CCNA1: variants seen among roughly 807,000 people sequenced by gnomAD.
CCNA1 encodes cyclin-A1.
CCNA1 carries 23 observed loss-of-function variants against 54.1 expected under a neutral mutation model. The ratio of observed to expected loss-of-function variants is 0.42; its 90% confidence interval spans 0.31 to 0.60. CCNA1 has a LOEUF of 0.60. Ranked by LOEUF, CCNA1 falls within the 20% of genes least tolerant of loss-of-function variation. The pLI is 0.14. For synonymous variants in CCNA1, 208 were observed against 213.9 expected, an observed-to-expected ratio of 0.97 and a Z score of 0.24; for missense variants, 450 against 556.7, an observed-to-expected ratio of 0.81 and a Z score of 1.93.
Position 36,433,162 on chromosome 13 carries a change from C to A in CCNA1, c.238C>A (p.Gln80Lys). The A allele has an allele frequency of 6.2e-7, 1 of 1,614,208 alleles. No homozygotes were observed. The highest frequency in any genetic ancestry group is 8.5e-7 in the Non-Finnish European group (1 of 1,180,034). Residue 80 changes from glutamine (Q) to lysine (K), a missense_variant, in exon 2 of 9, where the codon CAG becomes AAG. By Grantham distance (53) the Gln-to-Lys change is moderately conservative. Transcript: ENST00000255465. ...AGCCCCGCTGGGCCAGGATCCCCCG[C>A]AGAGGACAGTGCTAGGGCTGCTAAC...
At chr13:36,433,887 A>T (rs1185266207) in intron 2 of CCNA1, among the ~76,000 whole-genome samples, 1 of 152,182 alleles carries the variant, frequency 6.6e-6, no homozygotes, top group Non-Finnish European at 1.5e-5. Context: ...TTCAGCTAGA[A>T]ATAGTGATTA....
Position 36,439,728 on chromosome 13 carries a change from A to C in CCNA1, c.894-251A>C, listed in dbSNP as rs527250212. ...AGTGTATCACAGGCCCAAACCTAAA[A>C]TTCTTGGTTGGAAATTGTTTCTGTT... On this transcript the variant is annotated intron_variant, in intron 5 of 8. Coordinates refer to ENST00000255465, the MANE Select transcript of CCNA1 (RefSeq NM_003914.4). Among the ~76,000 whole-genome samples, 9 of 152,258 alleles carry C rather than the reference A, an allele frequency of 5.9e-5. No individual in the cohort carries two copies. In the South Asian group the frequency reaches 1.5e-3, roughly 25 times the overall value.
chr13:36,432,740 T>A lies in CCNA1; in HGVS notation c.108+11T>A, dbSNP rs370479829. The A allele has an allele frequency of 2.4e-5, 37 of 1,538,894 alleles. No homozygotes were observed. The highest frequency in any genetic ancestry group is 2.4e-4 in the Admixed American group (14 of 59,412). ...GATTTCGTCTTCCAGGTAACGTGGG[T>A]TTAGTATCCCGACTTGGAGGCTTGT... On this transcript the variant is annotated intron_variant, in intron 1 of 8. Transcript: ENST00000255465.
intron 2 of CCNA1, among the ~76,000 whole-genome samples, chr13:36,436,699 C>T (rs1007816642): frequency 3.3e-5 from 5 of 152,162 alleles, no homozygotes; most frequent in African/African-American, 1.2e-4. Context: ...CCCCCAATTA[C>T]TACCATAAGT....
chr13:36,442,548 T>G (rs2055887808), intron 8 of CCNA1, 66 bp from the exon 9 acceptor site: 1 of 1,532,820 alleles, frequency 6.5e-7, no homozygotes, highest in African/African-American at 1.4e-5. Flanking sequence ...AAGTTTTCTG[T>G]GACCTGAGAT....
intron 8 of CCNA1, 39 bp downstream of exon 8, chr13:36,442,343 A>G (rs774793182): frequency 6.3e-7 from 1 of 1,599,282 alleles, no homozygotes. Context: ...CTCTCTATTT[A>G]AAGCTTAATG....
At chr13:36,437,538 C>G in intron 2 of CCNA1, 91 bp from the exon 3 acceptor site, 2 of 1,245,318 alleles carry the variant, frequency 1.6e-6, no homozygotes, top group South Asian at 2.9e-5. Flanking sequence ...TGTATCTTAC[C>G]TTCCCAGGCT....
intron 7 of CCNA1, among the ~76,000 whole-genome samples, 172 bp downstream of exon 7, chr13:36,441,403 A>G (rs1174573446): frequency 6.6e-6 from 1 of 152,122 alleles, no homozygotes; most frequent in African/African-American, 2.4e-5. Context: ...GCTTCACTCT[A>G]TGAGGACTGA....
chr13:36,437,589 T>C, intron 2 of CCNA1, 40 bp from the exon 3 acceptor site: 1 of 1,601,968 alleles, frequency 6.2e-7, no homozygotes, highest in Non-Finnish European at 8.5e-7. Context: ...CTCTGTGGTC[T>C]TTGACGTGGC....
Position 36,432,671 on chromosome 13 carries a change from G to T in CCNA1, c.50G>T (p.Gly17Val), listed in dbSNP as rs761313033. 1.9e-6 allele frequency: 3 copies of T among 1,611,974 alleles called. No individual in the cohort carries two copies. The highest frequency in any genetic ancestry group is 2.7e-5 in the African/African-American group (2 of 74,876). Residue 17 changes from glycine (G) to valine (V), a missense_variant, in exon 1 of 9, where the codon GGC becomes GTC. Physicochemically the swap from Gly to Val is moderately radical, Grantham distance 109. Transcript: ENST00000255465. ...ATGTACCCTGGATCTTTTATTGGGG[G>T]CTGGGGAGAAGAGTATCTCAGCTGG... is the stretch of plus-strand genomic sequence containing the variant.
At chr13:36,435,068 C>T (rs1240673198) in intron 2 of CCNA1, among the ~76,000 whole-genome samples, 8 of 152,176 alleles carry the variant, frequency 5.3e-5, no homozygotes, top group African/African-American at 1.2e-4. Context: ...ATCACCTTGA[C>T]CGGTCCCTTT....
chr13:36,438,383 G>T (rs1005971572), intron 4 of CCNA1, among the ~76,000 whole-genome samples, 192 bp downstream of exon 4: 3 of 152,068 alleles, frequency 2.0e-5, no homozygotes, highest in Admixed American at 6.6e-5. Flanking sequence ...GATTCAAAGG[G>T]TTTATATGTT....
chr13:36,435,285 T>C (rs2055789002), intron 2 of CCNA1, among the ~76,000 whole-genome samples: 1 of 152,242 alleles, frequency 6.6e-6, no homozygotes, highest in Non-Finnish European at 1.5e-5. Context: ...CCCACTAACA[T>C]GTAAGCTCCA....
rs997083564 is a variant in CCNA1, at chr13:36,433,402, C to A, written c.297+181C>A. On this transcript the variant is annotated intron_variant, in intron 2 of 8. Transcript: ENST00000255465. ...TCTTTCTTTCTTTCTTTCTTTCTTT[C>A]TTTCTTTCTTTCTTTCTTTCTTTCT... is the stretch of plus-strand genomic sequence containing the variant. Among the ~76,000 whole-genome samples the A allele has an allele frequency of 1.0e-3, 108 of 106,092 alleles. 6 individuals are homozygous for A. The highest frequency in any genetic ancestry group is 3.8e-3 in the African/African-American group (100 of 26,036). The allele number at this position is 106,092 out of a possible 152,430, so 69.6% of individuals were successfully genotyped here. A position where few individuals can be genotyped will look rare whatever the true frequency, so the allele number is the denominator to read the frequency against.
rs138448439 is a variant in CCNA1, at chr13:36,442,260, C to T, written c.1302C>T (p.Pro434=). ...TTCATAAAGCGTACCTTGATATACC[C>T]CATCGACCTCAGCAAGCAATTAGGG... Residue 434 remains proline (P), a synonymous_variant, in exon 8 of 9, where the codon CCC becomes CCT. Transcript: ENST00000255465. The T allele has an allele frequency of 8.7e-6, 14 of 1,613,736 alleles. No individual in the cohort carries two copies. The highest frequency in any genetic ancestry group is 1.2e-5 in the Non-Finnish European group (14 of 1,179,916).
intron 3 of CCNA1, 21 bp from the exon 4 acceptor site, chr13:36,438,046 G>C (rs765006569): frequency 2.5e-6 from 4 of 1,608,790 alleles, no homozygotes; most frequent in Non-Finnish European, 3.4e-6. Flanking sequence ...TGAGTTATCT[G>C]ACAGTGTTGA....
rs1003740402 is a variant in CCNA1, at chr13:36,432,508, A to G, written c.-114A>G. 1.7e-6 allele frequency: 1 copy of G among 576,632 alleles called. No individual in the cohort carries two copies. The highest frequency in any genetic ancestry group is 3.1e-6 in the Non-Finnish European group (1 of 324,724). 35.7% of individuals were successfully genotyped at this position (576,632 alleles called of 1,614,324 possible). A position where few individuals can be genotyped will look rare whatever the true frequency, so the allele number is the denominator to read the frequency against. ...AGTGCACTTGCCAGTTGTTCCGGAC[A>G]CATAGAAAGATAACGACGGGAAGAG... On this transcript the variant is annotated 5_prime_UTR_variant, in exon 1 of 9. Transcript: ENST00000255465.
At chr13:36,439,917 G>T in intron 5 of CCNA1, 62 bp from the exon 6 acceptor site, 2 of 1,125,216 alleles carry the variant, frequency 1.8e-6, no homozygotes, top group South Asian at 1.3e-5. Context: ...CGTGGCTTAT[G>T]GTAGCACAGG....
At chr13:36,432,264 G>C (rs2055718212), upstream of CCNA1, 1 of 229,232 alleles carries the variant, frequency 4.4e-6, no homozygotes, top group South Asian at 1.2e-4. Context: ...CCGCTGATTG[G>C]CCGATTCAAC....
Sources: allele counts gnomAD v4.1 joint callset (sites outside exome capture counted in the v4.1 genomes callset), GRCh38; gene constraint gnomAD v4.1.1; transcripts MANE v1.5; gene names NCBI Gene and HGNC (gene_info 2026-07-23, HGNC 2026-07-21).